The following LIPG variants were observed in gnomAD, a reference collection of about 807,000 sequenced individuals.
The protein encoded by LIPG is lipase G, endothelial type.
Under a neutral mutation model 51.8 loss-of-function variants are expected in LIPG, and 34 were observed. The ratio of observed to expected loss-of-function variants is 0.66; its 90% CI spans 0.50 to 0.87. LIPG has a LOEUF of 0.87. LIPG is among the 40% of genes least tolerant of loss of function. The pLI, the probability that LIPG is intolerant of heterozygous loss-of-function variation, is 0.00. For synonymous variants in LIPG, 246 were observed against 246.1 expected (o/e 1.00, Z 0.00); for missense variants, 580 against 652.7 (o/e 0.89, Z 1.21).
rs34597464 is a variant in LIPG, at chr18:49,576,457, C to CTTTTTTTTTTTTTTT, written c.793+880_793+894dup. Among the ~76,000 whole-genome samples, 194 of 51,516 alleles carry CTTTTTTTTTTTTTTT rather than the reference C, an allele frequency of 3.8e-3. 61 individuals carry two copies. The highest frequency in any genetic ancestry group is 4.6e-3 in the Non-Finnish European group (133 of 28,672). 33.8% of individuals were successfully genotyped at this position (51,516 alleles called of 152,430 possible). ...TCTTTTTTTAAAAGACAGAATCTTGCTTTTTTTTTTTTTTTTTTTTTTTTT... is the reference window on the plus strand; with the variant it reads ...TCTTTTTTTAAAAGACAGAATCTTGCTTTTTTTTTTTTTTTTTTTTTTTTTTTTTTTTTTTTTTTT... On this transcript the variant is annotated intron_variant, in intron 5 of 9. Transcript: ENST00000261292.
intron 7 of LIPG, 113 bp from the exon 8 acceptor site, chr18:49,583,443 A>C: frequency 1.2e-6 from 1 of 855,120 alleles, no homozygotes; most frequent in East Asian, 2.4e-5. Flanking sequence ...GAAAGCACTC[A>C]CACTGTCTCT....
chr18:49,565,172 A>G (rs1460871999), intron 1 of LIPG, 145 bp from the exon 2 acceptor site: 13 of 720,656 alleles, frequency 1.8e-5, no homozygotes, highest in Non-Finnish European at 3.2e-5. Flanking sequence ...TTTTTCTGGG[A>G]GGTGAAAAGG....
intron 1 of LIPG, 23 bp downstream of exon 1, chr18:49,562,428 C>T (rs1047375191): frequency 1.9e-6 from 3 of 1,590,518 alleles, no homozygotes; most frequent in South Asian, 2.2e-5. Context: ...TGTTTTTATT[C>T]CCCCCAGCCA....
intron 9 of LIPG, chr18:49,590,250 TA>T: frequency 1.7e-6 from 1 of 597,714 alleles, no homozygotes; most frequent in South Asian, 1.8e-5. Context: ...AACTGTGATG[TA>T]CTCAACTCAG....
chr18:49,585,342 TGTGA>T (rs1306917056), intron 8 of LIPG, among the ~76,000 whole-genome samples: 3 of 152,204 alleles, frequency 2.0e-5, no homozygotes, highest in Non-Finnish European at 4.4e-5. Context: ...AGATTACAGG[TGTGA>T]GCCACCATGC....
At chr18:49,565,832 G>T (rs560995737) in intron 2 of LIPG, among the ~76,000 whole-genome samples, 1 of 152,214 alleles carries the variant, frequency 6.6e-6, no homozygotes, top group Admixed American at 6.5e-5. Context: ...CTGTCCTGCC[G>T]TGAGAGCTGA....
intron 1 of LIPG, among the ~76,000 whole-genome samples, chr18:49,564,986 G>T (rs1245557853): frequency 6.6e-6 from 1 of 152,134 alleles, no homozygotes; most frequent in Non-Finnish European, 1.5e-5. Flanking sequence ...TTCAGAAAAA[G>T]AACTGAGAAC....
chr18:49,577,816 C>A (rs1479281197), intron 5 of LIPG, among the ~76,000 whole-genome samples: 2 of 113,774 alleles, frequency 1.8e-5, no homozygotes, highest in African/African-American at 4.1e-5. Context: ...ACCTCCCTCC[C>A]GGACGGGGCG....
intron 4 of LIPG, among the ~76,000 whole-genome samples, chr18:49,571,609 G>A (rs1228742861): frequency 6.6e-6 from 1 of 152,168 alleles, no homozygotes. Context: ...CCTGACACAC[G>A]CTGTTGTGTA....
intron 3 of LIPG, 90 bp from the exon 4 acceptor site, chr18:49,569,347 C>T: frequency 1.8e-6 from 2 of 1,092,520 alleles, no homozygotes; most frequent in Non-Finnish European, 2.8e-6. Context: ...GCATCTCCTC[C>T]TGCTCCGTGA....
At chr18:49,579,764 C>CTTTCCTTTCCT (rs1194564576) in intron 5 of LIPG, among the ~76,000 whole-genome samples, 3 of 112,204 alleles carry the variant, frequency 2.7e-5, no homozygotes, top group African/African-American at 4.5e-5. Flanking sequence ...CTTTCCTTTC[C>CTTTCCTTTCCT]TTTCTTTTCT....
At chr18:49,577,791 G>A (rs1309293036) in intron 5 of LIPG, among the ~76,000 whole-genome samples, 1 of 113,976 alleles carries the variant, frequency 8.8e-6, no homozygotes, top group Non-Finnish European at 1.8e-5. Flanking sequence ...GGCCAGGCGG[G>A]GGGCTGACCC....
intron 6 of LIPG, chr18:49,581,886 A>G: frequency 1.6e-6 from 1 of 608,154 alleles, no homozygotes; most frequent in Non-Finnish European, 2.9e-6. Context: ...TCACAATATC[A>G]ATATCTTAAA....
intron 5 of LIPG, among the ~76,000 whole-genome samples, chr18:49,577,975 A>AC (rs1179610757): frequency 3.7e-4 from 39 of 104,802 alleles, no homozygotes; most frequent in South Asian, 6.9e-4. Context: ...CAGGGGGCTG[A>AC]CCCCCCCACC....
upstream of LIPG, chr18:49,561,647 C>T (rs111483526): frequency 4.2e-5 from 52 of 1,223,858 alleles, no homozygotes; most frequent in Non-Finnish European, 5.1e-5. Context: ...AGCGGATAGA[C>T]CACTCCCAGA....
chr18:49,589,094 G>A (rs1189913323), intron 9 of LIPG, among the ~76,000 whole-genome samples: 3 of 152,132 alleles, frequency 2.0e-5, no homozygotes, highest in Non-Finnish European at 2.9e-5. Flanking sequence ...GTTGAGCACC[G>A]AGGCTCCAAG....
At chr18:49,562,002 G>T (rs2084554570), upstream of LIPG, 1 of 1,399,802 alleles carries the variant, frequency 7.1e-7, no homozygotes, top group South Asian at 1.7e-5. Context: ...TCACCATCTG[G>T]CGATGGGTCA....
chr18:49,591,983 T>G lies in LIPG; in HGVS notation c.*1461T>G, dbSNP rs1214936174. On this transcript the variant is annotated 3_prime_UTR_variant, in exon 10 of 10. Transcript: ENST00000261292. ...AGACGTGAGACAAACAAGGACTTTT[T>G]TTTTTATATAGAGCCATCCATAAAA... 1 of 152,180 alleles carries G rather than the reference T, an allele frequency of 6.6e-6. No homozygotes were observed. Among genetic ancestry groups the G allele is most frequent in the Non-Finnish European group, 1.5e-5 (1 of 68,042 alleles). 9.4% of individuals were successfully genotyped at this position (152,180 alleles called of 1,614,324 possible).
At chr18:49,590,203 GTGTGT>G in intron 9 of LIPG, 1 of 491,338 alleles carries the variant, frequency 2.0e-6, no homozygotes. Context: ...GTGTGTGTGT[GTGTGT>G]ATGTTGTGGG....
Sources: allele counts gnomAD v4.1 joint callset (sites outside exome capture counted in the v4.1 genomes callset), GRCh38; gene constraint gnomAD v4.1.1; transcripts MANE v1.5; gene names NCBI Gene and HGNC (gene_info 2026-07-23, HGNC 2026-07-21).